MDFIC2: variants seen among roughly 807,000 people sequenced by gnomAD.
MDFIC2 encodes the protein MyoD family inhibitor domain containing 2.
chr3:70,206,431 A>G (rs1453743883), intron 3 of MDFIC2, 138 bp downstream of exon 3: 1 of 393,716 alleles, frequency 2.5e-6, no homozygotes, highest in East Asian at 3.6e-5. Flanking sequence ...TATGTCATTC[A>G]CCAGAGTTTT....
intron 2 of MDFIC2, among the ~76,000 whole-genome samples, chr3:70,234,487 A>C (rs939820800): frequency 6.6e-6 from 1 of 152,040 alleles, no homozygotes. Context: ...CATCTCTACA[A>C]AAAATAGAAT....
intron 2 of MDFIC2, among the ~76,000 whole-genome samples, chr3:70,236,032 T>C (rs768491057): frequency 2.7e-4 from 41 of 152,308 alleles, no homozygotes; most frequent in Admixed American, 1.1e-3. Flanking sequence ...AATGAGCAAA[T>C]GCATCATTCT....
At chr3:70,289,221 C>T (rs1426474686) in intron 2 of MDFIC2, among the ~76,000 whole-genome samples, 36 of 149,278 alleles carry the variant, frequency 2.4e-4, no homozygotes, top group Middle Eastern at 3.4e-3. Context: ...CCATGTTTAG[C>T]GCTTCCTTCA....
At chr3:70,208,597 A>G (rs1701312708) in intron 2 of MDFIC2, among the ~76,000 whole-genome samples, 1 of 152,066 alleles carries the variant, frequency 6.6e-6, no homozygotes, top group African/African-American at 2.4e-5. Context: ...TCCTCAGGTG[A>G]TTCCGACATG....
intron 2 of MDFIC2, among the ~76,000 whole-genome samples, chr3:70,257,025 T>C (rs1247779878): frequency 6.6e-6 from 1 of 152,168 alleles, no homozygotes; most frequent in Admixed American, 6.5e-5. Context: ...GAGAATATCA[T>C]AATAATTCAG....
intron 2 of MDFIC2, among the ~76,000 whole-genome samples, chr3:70,207,962 A>T (rs775454599): frequency 3.9e-5 from 6 of 152,038 alleles, no homozygotes; most frequent in Non-Finnish European, 8.8e-5. Flanking sequence ...TAGAGGGATG[A>T]CTAAGACAGG....
intron 2 of MDFIC2, among the ~76,000 whole-genome samples, chr3:70,230,067 A>G (rs1701543670): frequency 6.6e-6 from 1 of 152,150 alleles, no homozygotes. Context: ...ATCCCCATTA[A>G]AATGGTTAAG....
chr3:70,278,875 A>G (rs1193163336), intron 2 of MDFIC2, among the ~76,000 whole-genome samples: 2 of 151,964 alleles, frequency 1.3e-5, no homozygotes, highest in African/African-American at 4.8e-5. Context: ...AACAAATGAA[A>G]TAACAATTGT....
At chr3:70,220,313 C>A (rs932448754) in intron 2 of MDFIC2, among the ~76,000 whole-genome samples, 1 of 151,964 alleles carries the variant, frequency 6.6e-6, no homozygotes, top group South Asian at 2.1e-4. Context: ...TGCCTGTAAT[C>A]CCAGTGCTTT....
chr3:70,306,098 A>C (rs1486160799), intron 2 of MDFIC2, among the ~76,000 whole-genome samples: 2 of 151,968 alleles, frequency 1.3e-5, no homozygotes, highest in Non-Finnish European at 1.5e-5. Context: ...TAAATAATGG[A>C]GTTTATTTAT....
rs1701180798 is a variant in MDFIC2, at chr3:70,196,398, C to A, written c.*528G>T. 6.6e-6 allele frequency among the ~76,000 whole-genome samples: 1 copy of A among 152,052 alleles called. No individual in the cohort carries two copies. The highest frequency in any genetic ancestry group is 2.4e-5 in the African/African-American group (1 of 41,398). On this transcript the variant is annotated 3_prime_UTR_variant, in exon 4 of 4. Coordinates refer to ENST00000567252, the MANE Select transcript of MDFIC2 (RefSeq NM_001364677.1). Reference sequence around the variant, plus strand: ...AATTCCCTTTCCTACCTAAACTGTACATATAAGTGAATTTTAAGAGACTGT... The same window carrying A: ...AATTCCCTTTCCTACCTAAACTGTAAATATAAGTGAATTTTAAGAGACTGT...
At chr3:70,270,415 T>A (rs1325200643) in intron 2 of MDFIC2, among the ~76,000 whole-genome samples, 1 of 152,160 alleles carries the variant, frequency 6.6e-6, no homozygotes, top group Non-Finnish European at 1.5e-5. Flanking sequence ...CAAACACATA[T>A]AAATACAAGA....
intron 2 of MDFIC2, among the ~76,000 whole-genome samples, chr3:70,280,792 T>G: frequency 6.6e-6 from 1 of 152,242 alleles, no homozygotes; most frequent in Non-Finnish European, 1.5e-5. Flanking sequence ...CTGACCTAAC[T>G]TGTTTGACTG....
intron 2 of MDFIC2, among the ~76,000 whole-genome samples, chr3:70,251,032 A>G (rs1701761432): frequency 6.6e-6 from 1 of 152,234 alleles, no homozygotes; most frequent in African/African-American, 2.4e-5. Flanking sequence ...GCCTTTCCAG[A>G]GAGACTTAGA....
At chr3:70,223,930 C>G (rs1559538996) in intron 2 of MDFIC2, among the ~76,000 whole-genome samples, 1 of 152,174 alleles carries the variant, frequency 6.6e-6, no homozygotes, top group African/African-American at 2.4e-5. Context: ...TCCTCTCCCC[C>G]CACCCTTTTG....
At chr3:70,302,247 CTTTT>C (rs1381732688) in intron 2 of MDFIC2, among the ~76,000 whole-genome samples, 2 of 152,010 alleles carry the variant, frequency 1.3e-5, no homozygotes, top group Non-Finnish European at 2.9e-5. Flanking sequence ...GTTCACATTC[CTTTT>C]TTTATCTTTT....
At chr3:70,301,937 T>C (rs976243238) in intron 2 of MDFIC2, among the ~76,000 whole-genome samples, 1 of 152,094 alleles carries the variant, frequency 6.6e-6, no homozygotes, top group Non-Finnish European at 1.5e-5. Context: ...CTGTTGTCTG[T>C]TGTTTGAGAT....
intron 2 of MDFIC2, among the ~76,000 whole-genome samples, chr3:70,273,934 C>T (rs1701997646): frequency 6.6e-6 from 1 of 152,064 alleles, no homozygotes. Flanking sequence ...CCCAGAGCAG[C>T]CACAGGCACA....
intron 2 of MDFIC2, among the ~76,000 whole-genome samples, chr3:70,310,889 C>A (rs1702448432): frequency 6.6e-6 from 1 of 152,096 alleles, no homozygotes; most frequent in African/African-American, 2.4e-5. Context: ...GGCATTGAAT[C>A]TCAGCTTTGG....
Sources: gnomAD v4.1 joint callset for allele counts (sites outside exome capture counted in the v4.1 genomes callset) on GRCh38, gnomAD v4.1.1 for gene constraint, MANE v1.5 for transcripts, NCBI Gene and HGNC (gene_info 2026-07-23, HGNC 2026-07-21) for gene names.